The following INO80 variants were observed in gnomAD, a reference collection of about 807,000 sequenced individuals.
The protein encoded by INO80 is chromatin-remodeling ATPase INO80.
In INO80, 20 loss-of-function variants were observed where a neutral mutation model predicts 203.4. The ratio of observed to expected loss-of-function variants is 0.10; its 90% confidence interval spans 0.07 to 0.14. The LOEUF (loss-of-function observed/expected upper bound fraction) is 0.14. Among genes scored for constraint, INO80 ranks in the 10% least tolerant of loss-of-function variants. The pLI is 1.00. For synonymous variants in INO80, 726 were observed against 685.2 expected, an observed-to-expected ratio of 1.06 and a Z score of -0.93; for missense variants, 1,419 against 1,914.4, an observed-to-expected ratio of 0.74 and a Z score of 4.83.
chr15:41,026,184 C>T (rs185797456), intron 25 of INO80, among the ~76,000 whole-genome samples: 8 of 152,154 alleles, frequency 5.3e-5, no homozygotes, highest in East Asian at 1.9e-4. Flanking sequence ...GAATAAAGAA[C>T]GCAAGCTGAT....
chr15:41,007,667 T>A (rs1477940404), intron 27 of INO80, among the ~76,000 whole-genome samples: 1 of 151,786 alleles, frequency 6.6e-6, no homozygotes, highest in Non-Finnish European at 1.5e-5. Context: ...AGAAGTGAAT[T>A]ATTCCCTTCC....
Position 41,087,551 on chromosome 15 carries a change from A to G in INO80, c.658+11T>C. On this transcript the variant is annotated intron_variant, in intron 6 of 35. Transcript: ENST00000648947. ...AATGAATATACGTGGAAGGCAGTTCAACATGCTCACCTTTAAGTTTCTTTT... is the reference window on the plus strand; with the variant it reads ...AATGAATATACGTGGAAGGCAGTTCGACATGCTCACCTTTAAGTTTCTTTT... 2.5e-6 allele frequency: 4 copies of G among 1,613,456 alleles called. No homozygotes were observed. In the South Asian group the frequency reaches 4.4e-5, roughly 18 times the overall value.
intron 17 of INO80, 39 bp from the exon 18 acceptor site, chr15:41,055,403 TA>T (rs1566930799): frequency 7.3e-7 from 1 of 1,362,020 alleles, no homozygotes. Flanking sequence ...TATAGAGCAA[TA>T]AAATGACAGC....
At chr15:41,058,597 T>G in intron 16 of INO80, 42 bp downstream of exon 16, 2 of 1,510,162 alleles carry the variant, frequency 1.3e-6, no homozygotes, top group East Asian at 2.3e-5. Context: ...GTGTGTGTAC[T>G]TAACCCAATG....
intron 1 of INO80, 38 bp downstream of exon 1, chr15:41,115,935 C>T: frequency 2.6e-6 from 1 of 384,508 alleles, no homozygotes; most frequent in Non-Finnish European, 4.6e-6. Context: ...CCTACACAAC[C>T]CCCACTCCGT....
chr15:41,099,087 AT>A (rs1336467922), intron 1 of INO80, among the ~76,000 whole-genome samples: 1 of 151,646 alleles, frequency 6.6e-6, no homozygotes, highest in African/African-American at 2.4e-5. Flanking sequence ...CCTACAAAAA[AT>A]TTAAAAATTA....
chr15:41,087,784 T>C (rs2045583008), intron 5 of INO80, 102 bp from the exon 6 acceptor site: 1 of 1,147,200 alleles, frequency 8.7e-7, no homozygotes, highest in African/African-American at 1.5e-5. Context: ...AGCTCCTAAA[T>C]ACAGTATTCT....
At chr15:41,085,638 C>G (rs2045552169) in intron 6 of INO80, 55 bp from the exon 7 acceptor site, 2 of 1,397,730 alleles carry the variant, frequency 1.4e-6, no homozygotes, top group Non-Finnish European at 1.0e-6. Flanking sequence ...AGTCACAAAG[C>G]AACCTCATGA....
intron 25 of INO80, among the ~76,000 whole-genome samples, chr15:41,026,626 G>C (rs188630728): frequency 1.5e-4 from 23 of 152,088 alleles, no homozygotes; most frequent in African/African-American, 4.6e-4. Flanking sequence ...AAGATGAGTG[G>C]AGAAACAAGA....
At chr15:41,113,259 AGTTTT>A (rs938734141) in intron 1 of INO80, among the ~76,000 whole-genome samples, 17 of 149,534 alleles carry the variant, frequency 1.1e-4, no homozygotes, top group African/African-American at 2.2e-4. Context: ...TCCCCTAGCC[AGTTTT>A]GTTTTGTTTT....
intron 29 of INO80, among the ~76,000 whole-genome samples, chr15:40,989,874 C>T (rs1392452556): frequency 2.0e-5 from 3 of 152,160 alleles, no homozygotes; most frequent in African/African-American, 7.2e-5. Flanking sequence ...TTTGTGTACA[C>T]CTCTTATTGC....
Position 41,111,995 on chromosome 15 carries a change from T to C in INO80, c.-44+3978A>G, listed in dbSNP as rs538622283. Among the ~76,000 whole-genome samples the C allele has an allele frequency of 2.7e-3, 410 of 152,174 alleles. 3 individuals are homozygous for C. The highest frequency in any genetic ancestry group is 0.013 in the South Asian group (62 of 4,812). ...TCAGGGTTCACTGTAGCCTCAACCTTCCAGGCTCAACCAAACCTCCCATCT... is the reference window on the plus strand; with the variant it reads ...TCAGGGTTCACTGTAGCCTCAACCTCCCAGGCTCAACCAAACCTCCCATCT... On this transcript the variant is annotated intron_variant, in intron 1 of 35. Transcript: ENST00000648947.
chr15:41,094,487 G>T (rs1596323935), intron 4 of INO80, among the ~76,000 whole-genome samples: 1 of 152,156 alleles, frequency 6.6e-6, no homozygotes, highest in East Asian at 1.9e-4. Flanking sequence ...CTTGTTTACA[G>T]GCTTACTAAC....
At chr15:41,103,205 G>C (rs1255085135) in intron 1 of INO80, among the ~76,000 whole-genome samples, 1 of 152,100 alleles carries the variant, frequency 6.6e-6, no homozygotes, top group Non-Finnish European at 1.5e-5. Context: ...CCAATGTGTA[G>C]TTAATTCTTC....
intron 28 of INO80, among the ~76,000 whole-genome samples, chr15:41,000,731 GAAAGA>G (rs1166052225): frequency 1.6e-5 from 2 of 122,020 alleles, no homozygotes; most frequent in Non-Finnish European, 3.5e-5. Context: ...AAAAAAAAAA[GAAAGA>G]AAAGAAAAGA....
intron 1 of INO80, among the ~76,000 whole-genome samples, chr15:41,097,990 A>G (rs191758598): frequency 5.7e-4 from 87 of 152,232 alleles, no homozygotes; most frequent in African/African-American, 1.9e-3. Context: ...AAATGAAATG[A>G]TAAGTTTTTT....
intron 27 of INO80, among the ~76,000 whole-genome samples, chr15:41,010,404 A>AT (rs895597118): frequency 3.0e-4 from 44 of 147,104 alleles, no homozygotes; most frequent in African/African-American, 4.0e-4. Context: ...TCCTTTTTAA[A>AT]TTTTTTTTTT....
rs1185646594 is a variant in INO80 at position 41,055,374 on chromosome 15, A to G, written c.2071-10T>C. Reference sequence around the variant, plus strand: ...GCAGCAGAGCCCAAAGCTGTAAACAAAGACAAAAATGAAATAGCTATAGAG... The same window carrying G: ...GCAGCAGAGCCCAAAGCTGTAAACAGAGACAAAAATGAAATAGCTATAGAG... On this transcript the variant is annotated splice_polypyrimidine_tract_variant and intron_variant, in intron 17 of 35. Transcript: ENST00000648947. 6.4e-7 allele frequency: 1 copy of G among 1,570,324 alleles called. No individual in the cohort carries two copies. The highest frequency in any genetic ancestry group is 1.1e-5 in the South Asian group (1 of 89,614).
At chr15:41,068,801 A>G (rs921773216) in intron 14 of INO80, among the ~76,000 whole-genome samples, 3 of 152,190 alleles carry the variant, frequency 2.0e-5, no homozygotes, top group African/African-American at 7.2e-5. Flanking sequence ...TGGAGGTTGC[A>G]GTGAGCCGAG....
Sources: gnomAD v4.1 joint callset for allele counts (sites outside exome capture counted in the v4.1 genomes callset) on GRCh38, gnomAD v4.1.1 for gene constraint, MANE v1.5 for transcripts, NCBI Gene and HGNC (gene_info 2026-07-23, HGNC 2026-07-21) for gene names.